The following PRKG1 variants were observed in gnomAD, a reference collection of about 807,000 sequenced individuals.
The protein encoded by PRKG1 is cGMP-dependent protein kinase 1.
A neutral mutation model predicts 88.1 loss-of-function variants in PRKG1; 35 were observed. That is an observed-to-expected ratio of 0.40 (90% confidence interval 0.30 to 0.53). The LOEUF (loss-of-function observed/expected upper bound fraction) is 0.53, where lower values mean the gene tolerates loss of function less well. PRKG1 is among the 20% of genes least tolerant of loss of function. The probability of loss-of-function intolerance (pLI) is 0.59; values close to 1 mark genes in which losing one functional copy is unlikely to be tolerated. For synonymous variants in PRKG1, 303 were observed against 292.5 expected (o/e 1.04, Z -0.37); for missense variants, 540 against 839.8 (o/e 0.64, Z 4.41).
At chr10:51,198,442 C>T (rs1003925073) in intron 2 of PRKG1, among the ~76,000 whole-genome samples, 5 of 152,238 alleles carry the variant, frequency 3.3e-5, no homozygotes, top group East Asian at 3.9e-4. Context: ...AATTCACAGT[C>T]GGATGTAAAA....
At chr10:52,226,692 C>T (rs2132343818) in intron 9 of PRKG1, among the ~76,000 whole-genome samples, 1 of 152,140 alleles carries the variant, frequency 6.6e-6, no homozygotes, top group Non-Finnish European at 1.5e-5. Context: ...CAGTGAATGC[C>T]ATTTTCATTT....
At chr10:51,203,199 G>A (rs1046883189) in intron 2 of PRKG1, among the ~76,000 whole-genome samples, 1 of 152,184 alleles carries the variant, frequency 6.6e-6, no homozygotes, top group East Asian at 1.9e-4. Context: ...AAGGATATAC[G>A]TATTAAACAT....
intron 3 of PRKG1, among the ~76,000 whole-genome samples, chr10:51,792,655 A>G (rs1589291062): frequency 6.6e-6 from 1 of 152,084 alleles, no homozygotes; most frequent in African/African-American, 2.4e-5. Context: ...TTTGGTGCCT[A>G]TGGGTGTCCG....
chr10:52,133,318 T>C (rs12269042), intron 7 of PRKG1, among the ~76,000 whole-genome samples: 50,539 of 151,910 alleles, frequency 0.33, 8,741 homozygotes, highest in African/African-American at 0.42. Flanking sequence ...GAACCATAAC[T>C]TCTGATATAG....
chr10:51,324,820 A>G (rs1448550982), intron 2 of PRKG1, among the ~76,000 whole-genome samples: 2 of 152,202 alleles, frequency 1.3e-5, no homozygotes, highest in African/African-American at 4.8e-5. Flanking sequence ...TGTTGCTTCC[A>G]TATCTTGACT....
At chr10:51,735,342 G>A (rs574090739) in intron 3 of PRKG1, among the ~76,000 whole-genome samples, 1 of 152,152 alleles carries the variant, frequency 6.6e-6, no homozygotes, top group African/African-American at 2.4e-5. Flanking sequence ...TTTTATTTAT[G>A]GGTAATGCAT....
At chr10:51,116,140 C>T (rs1475867615) in intron 1 of PRKG1, among the ~76,000 whole-genome samples, 1 of 152,132 alleles carries the variant, frequency 6.6e-6, no homozygotes, top group East Asian at 1.9e-4. Context: ...GCTTAATTTA[C>T]TTGAGGCTCA....
At chr10:51,419,576 C>G (rs918614979) in intron 2 of PRKG1, among the ~76,000 whole-genome samples, 4 of 152,102 alleles carry the variant, frequency 2.6e-5, no homozygotes, top group African/African-American at 9.7e-5. Flanking sequence ...TATTAATGAA[C>G]TTGGGACTGT....
intron 1 of PRKG1, among the ~76,000 whole-genome samples, chr10:51,112,279 A>G (rs1334460108): frequency 1.3e-5 from 2 of 152,120 alleles, no homozygotes; most frequent in Non-Finnish European, 2.9e-5. Context: ...TGTAAACCAA[A>G]CTTTACCATA....
intron 1 of PRKG1, among the ~76,000 whole-genome samples, chr10:51,009,045 A>T (rs559023667): frequency 6.6e-6 from 1 of 152,292 alleles, no homozygotes; most frequent in South Asian, 2.1e-4. Flanking sequence ...TATGAGTTTT[A>T]TAAGGATTTA....
chr10:51,861,518 C>G (rs1231986166), intron 4 of PRKG1, among the ~76,000 whole-genome samples: 1 of 152,074 alleles, frequency 6.6e-6, no homozygotes, highest in Non-Finnish European at 1.5e-5. Context: ...CTTTCTTTGG[C>G]TTGCAGTCTT....
At chr10:51,536,960 A>C (rs537903448) in intron 3 of PRKG1, among the ~76,000 whole-genome samples, 27 of 151,922 alleles carry the variant, frequency 1.8e-4, no homozygotes, top group African/African-American at 6.5e-4. Flanking sequence ...TGTACTTCCT[A>C]TGTTTTCTTC....
At chr10:52,143,285 C>A (rs2132653500) in intron 8 of PRKG1, among the ~76,000 whole-genome samples, 1 of 152,202 alleles carries the variant, frequency 6.6e-6, no homozygotes, top group East Asian at 1.9e-4. Context: ...GTCCCTGAAG[C>A]ACACCACTAT....
At chr10:51,629,597 C>A (rs1839472776) in intron 3 of PRKG1, among the ~76,000 whole-genome samples, 1 of 152,150 alleles carries the variant, frequency 6.6e-6, no homozygotes, top group East Asian at 1.9e-4. Context: ...CTTTTCAGTG[C>A]TTTTGTGGCA....
chr10:51,653,901 T>C (rs1840100806), intron 3 of PRKG1, among the ~76,000 whole-genome samples: 1 of 152,208 alleles, frequency 6.6e-6, no homozygotes, highest in Admixed American at 6.5e-5. Context: ...ATTATTTGTT[T>C]TCTTGCTAAG....
intron 4 of PRKG1, among the ~76,000 whole-genome samples, chr10:51,880,787 C>A (rs1385049610): frequency 6.6e-6 from 1 of 152,124 alleles, no homozygotes; most frequent in Non-Finnish European, 1.5e-5. Context: ...GCAAGAGACA[C>A]AGTTTTGCTT....
intron 3 of PRKG1, among the ~76,000 whole-genome samples, chr10:51,483,009 C>CTTTTTTT (rs149140774): frequency 4.5e-5 from 5 of 110,480 alleles, no homozygotes; most frequent in South Asian, 3.1e-4. Flanking sequence ...TCTTTTCTTT[C>CTTTTTTT]TTTTTTTTTT....
intron 9 of PRKG1, among the ~76,000 whole-genome samples, chr10:52,196,011 G>GT (rs1223460475): frequency 6.6e-6 from 1 of 151,468 alleles, no homozygotes; most frequent in African/African-American, 2.4e-5. Context: ...AATGTTTTTT[G>GT]TTTTTTGTTT....
At chr10:51,878,478 T>C (rs7921365) in intron 4 of PRKG1, among the ~76,000 whole-genome samples, 115,192 of 152,022 alleles carry the variant, frequency 0.76, 44,120 homozygotes, top group African/African-American at 0.87. Context: ...GCTGTCCCTA[T>C]ACCAGATAAA....
Sources: gnomAD v4.1 joint callset for allele counts (sites outside exome capture counted in the v4.1 genomes callset) on GRCh38, gnomAD v4.1.1 for gene constraint, MANE v1.5 for transcripts, NCBI Gene and HGNC (gene_info 2026-07-23, HGNC 2026-07-21) for gene names.